The following RAI1 variants were observed in gnomAD, a reference collection of about 807,000 sequenced individuals.
RAI1 encodes retinoic acid-induced protein 1.
Under a neutral mutation model 123.8 loss-of-function variants are expected in RAI1, and 9 were observed. The ratio of observed to expected loss-of-function variants is 0.07; its 90% CI spans 0.04 to 0.13. RAI1 has a LOEUF of 0.13. Ranked by LOEUF, RAI1 falls within the 10% of genes least tolerant of loss-of-function variation. The probability of loss-of-function intolerance (pLI) is 1.00; values close to 1 mark genes in which losing one functional copy is unlikely to be tolerated. For missense variants in RAI1, 2,256 were observed against 2,545.8 expected, an observed-to-expected ratio of 0.89 and a Z score of 2.45; for synonymous variants, 1,231 against 1,127.3, an observed-to-expected ratio of 1.09 and a Z score of -1.84.
chr17:17,709,146 C>A (rs1489781835), intron 1 of RAI1, among the ~76,000 whole-genome samples: 1 of 152,152 alleles, frequency 6.6e-6, no homozygotes, highest in Non-Finnish European at 1.5e-5. Context: ...ACAATGATGA[C>A]TGATGGAGGG....
chr17:17,725,352 C>T (rs1810161946), intron 2 of RAI1, among the ~76,000 whole-genome samples: 1 of 152,096 alleles, frequency 6.6e-6, no homozygotes, highest in Non-Finnish European at 1.5e-5. Flanking sequence ...CGATCCTCAG[C>T]AGACGCTGCT....
At chr17:17,733,252 A>G (rs934206932) in intron 2 of RAI1, among the ~76,000 whole-genome samples, 2 of 152,276 alleles carry the variant, frequency 1.3e-5, no homozygotes, top group Non-Finnish European at 2.9e-5. Flanking sequence ...AAACTGAGAA[A>G]CTGATTCCAA....
chr17:17,766,317 A>C (rs1421625337), intron 2 of RAI1: 1 of 152,194 alleles, frequency 6.6e-6, no homozygotes, highest in African/African-American at 2.4e-5. Context: ...CAGTTATGAG[A>C]AAGATGCATC....
chr17:17,726,893 C>T lies in RAI1; in HGVS notation c.-17+2734C>T, dbSNP rs910048508. 2.6e-5 allele frequency among the ~76,000 whole-genome samples: 4 copies of T among 152,102 alleles called. No homozygotes were observed. The South Asian group carries it at 8.3e-4, about 32-fold the overall frequency. ...CAGATGTATATCCTGCTTGCTTTGCCGGCATAATGTGAGCCTTTTCCTGTT... is the reference window on the plus strand; with the variant it reads ...CAGATGTATATCCTGCTTGCTTTGCTGGCATAATGTGAGCCTTTTCCTGTT... On this transcript the variant is annotated intron_variant, in intron 2 of 5. Coordinates refer to ENST00000353383, the MANE Select transcript of RAI1 (RefSeq NM_030665.4).
At chr17:17,772,013 C>G (rs532376044) in intron 2 of RAI1, among the ~76,000 whole-genome samples, 1 of 152,208 alleles carries the variant, frequency 6.6e-6, no homozygotes, top group Non-Finnish European at 1.5e-5. Context: ...TGCTGTGTGT[C>G]CCCTTGTCCT....
chr17:17,727,075 T>C (rs2142939394), intron 2 of RAI1, among the ~76,000 whole-genome samples: 1 of 152,376 alleles, frequency 6.6e-6, no homozygotes, highest in Non-Finnish European at 1.5e-5. Flanking sequence ...CTTTTCTTGA[T>C]ACTTAAAATG....
Position 17,797,853 on chromosome 17 carries a change from ATCC to A in RAI1, c.4908_4910del (p.Ser1639del). The A allele has an allele frequency of 2.5e-6, 4 of 1,613,704 alleles. No homozygotes were observed. Among genetic ancestry groups the A allele is most frequent in the Non-Finnish European group, 2.5e-6 (3 of 1,179,916 alleles). ...CTTCCTCCTCTGCCTCCTCTTCCTC[ATCC>A]TCGTCCTCGTTCTCCTTGGATGCAG... is the stretch of plus-strand genomic sequence containing the variant. On this transcript the variant is annotated inframe_deletion, in exon 3 of 6. Coordinates refer to ENST00000353383, the MANE Select transcript of RAI1 (RefSeq NM_030665.4).
At position 17,811,403 on chromosome 17, in the gene RAI1, G is replaced by GAAAA. The variant is rs34061744; in HGVS notation, c.*1437_*1440dup. On this transcript the variant is annotated 3_prime_UTR_variant, in exon 6 of 6. Transcript: ENST00000353383. The stretch of plus-strand genomic sequence containing the variant: ...GAGTAAAAAACAGTCATTGCATTCA[G>GAAAA]AAAAAAAAAAAAAAAAAAGTCAATA... 65 of 163,364 alleles carry GAAAA rather than the reference G, an allele frequency of 4.0e-4. No individual in the cohort carries two copies. Among genetic ancestry groups the GAAAA allele is most frequent in the Non-Finnish European group, 6.0e-4 (48 of 80,216 alleles). The allele number at this position is 163,364 out of a possible 1,614,324, so 10.1% of individuals were successfully genotyped here. A position where few individuals can be genotyped will look rare whatever the true frequency, so the allele number is the denominator to read the frequency against.
In RAI1 at chr17:17,745,405, TTGTGTGTGTG is replaced by T. The variant is rs112938506; in HGVS notation, c.-17+21262_-17+21271del. Among the ~76,000 whole-genome samples the T allele has an allele frequency of 9.7e-3, 1,431 of 147,742 alleles. 25 individuals carry two copies. The highest frequency in any genetic ancestry group is 0.034 in the African/African-American group (1,354 of 40,244). On this transcript the variant is annotated intron_variant, in intron 2 of 5. Coordinates refer to ENST00000353383, the MANE Select transcript of RAI1 (RefSeq NM_030665.4). ...TAAGTCAGGGAGCCATTGAAGGCTT[TTGTGTGTGTG>T]TGTGTGTGTGTGTGTTTGTTTTTGT...
chr17:17,713,846 C>T (rs1365214531), intron 1 of RAI1, among the ~76,000 whole-genome samples: 3 of 152,178 alleles, frequency 2.0e-5, no homozygotes, highest in African/African-American at 7.2e-5. Context: ...GGGGCTCAGC[C>T]TCTCTCTCCA....
rs1022864474 is a variant in RAI1 at position 17,809,780 on chromosome 17, CGAAGGT to C, written c.5710-179_5710-174del. 4.0e-5 allele frequency among the ~76,000 whole-genome samples: 6 copies of C among 150,806 alleles called. No individual in the cohort carries two copies. Among genetic ancestry groups the C allele is most frequent in the African/African-American group, 1.5e-4 (6 of 40,274 alleles). On this transcript the variant is annotated intron_variant, in intron 5 of 5. Transcript: ENST00000353383. The surrounding 1 kb of genome is among the most constrained non-coding windows in gnomAD (Gnocchi z 4.9). The stretch of plus-strand genomic sequence containing the variant: ...CGGGACGGTGGCACGGAGCTGAAGG[CGAAGGT>C]GAAGGTGAAGCTGGACGGGGTGGGG...
intron 2 of RAI1, among the ~76,000 whole-genome samples, chr17:17,785,559 G>A (rs778549238): frequency 6.6e-6 from 1 of 152,132 alleles, no homozygotes; most frequent in African/African-American, 2.4e-5. Flanking sequence ...GGAGCCTGGC[G>A]GGGGACCCAG....
At chr17:17,737,955 T>C (rs1385439878) in intron 2 of RAI1, among the ~76,000 whole-genome samples, 1 of 151,686 alleles carries the variant, frequency 6.6e-6, no homozygotes, top group African/African-American at 2.4e-5. Context: ...CTGCCCCTGG[T>C]GGGGGGAGGG....
At chr17:17,763,615 C>T (rs1325456612) in intron 2 of RAI1, among the ~76,000 whole-genome samples, 1 of 152,188 alleles carries the variant, frequency 6.6e-6, no homozygotes, top group Non-Finnish European at 1.5e-5. Context: ...GGTACGGGGG[C>T]CCAGGTCATA....
In RAI1 at chr17:17,805,189, G is replaced by C. The variant is rs1034818939; in HGVS notation, c.5659+1340G>C. ...AGTAGCGTTTTTAATGTGTGGTCTTGAGCAAGTTGGTTGATACCTCTGCAC... is the reference window on the plus strand; with the variant it reads ...AGTAGCGTTTTTAATGTGTGGTCTTCAGCAAGTTGGTTGATACCTCTGCAC... On this transcript the variant is annotated intron_variant, in intron 4 of 5. Transcript: ENST00000353383. Among the ~76,000 whole-genome samples the C allele has an allele frequency of 1.2e-4, 18 of 152,122 alleles. 1 individual carries two copies. The highest frequency in any genetic ancestry group is 4.3e-4 in the African/African-American group (18 of 41,424).
At chr17:17,782,783 CACCGCCGGCCGTCGA>C (rs2031644414) in intron 2 of RAI1, among the ~76,000 whole-genome samples, 1 of 152,132 alleles carries the variant, frequency 6.6e-6, no homozygotes, top group Non-Finnish European at 1.5e-5. Flanking sequence ...GGTTTCTCCA[CACCGCCGGCCGTCGA>C]GGCTGCTCAG....
At chr17:17,735,353 CTTTTTTTTT>C (rs554442849) in intron 2 of RAI1, among the ~76,000 whole-genome samples, 1 of 132,434 alleles carries the variant, frequency 7.6e-6, no homozygotes, top group South Asian at 2.4e-4. Flanking sequence ...AATGCCCAGC[CTTTTTTTTT>C]TTTTTTTTGA....
intron 1 of RAI1, among the ~76,000 whole-genome samples, chr17:17,682,132 G>C (rs920554749): frequency 6.6e-6 from 1 of 150,796 alleles, no homozygotes; most frequent in Non-Finnish European, 1.5e-5. Context: ...CCGAGGCGCG[G>C]AGTCTTTGCG....
At chr17:17,699,306 G>A (rs1441526034) in intron 1 of RAI1, among the ~76,000 whole-genome samples, 2 of 152,136 alleles carry the variant, frequency 1.3e-5, no homozygotes, top group African/African-American at 2.4e-5. Flanking sequence ...CCCAGGGGAC[G>A]CCTGGAGCCA....
Sources: gnomAD v4.1 joint callset for allele counts (sites outside exome capture counted in the v4.1 genomes callset) on GRCh38, gnomAD v4.1.1 for gene constraint, Gnocchi (gnomAD v3.1) non-coding constraint, MANE v1.5 for transcripts, NCBI Gene and HGNC (gene_info 2026-07-23, HGNC 2026-07-21) for gene names.